The following MPPED1 variants were observed in gnomAD, a reference collection of about 807,000 sequenced individuals.
MPPED1 encodes the protein metallophosphoesterase domain-containing protein 1.
In MPPED1, 16 loss-of-function variants were observed where a neutral mutation model predicts 36.2. That is an observed-to-expected ratio of 0.44 (90% CI 0.30 to 0.67). The LOEUF is 0.67. MPPED1 is among the 30% of genes least tolerant of loss of function. MPPED1 has a pLI of 0.10. For missense variants in MPPED1, 307 were observed against 453.4 expected (o/e 0.68, Z 2.93); for synonymous variants, 199 against 191.3 (o/e 1.04, Z -0.33).
intron 5 of MPPED1, among the ~76,000 whole-genome samples, chr22:43,500,432 G>A (rs1326925371): frequency 6.0e-5 from 9 of 149,728 alleles, no homozygotes; most frequent in African/African-American, 2.2e-4. Flanking sequence ...TAATGGAGGT[G>A]GTGGTGGAGG....
chr22:43,456,840 G>C (rs968293280), intron 3 of MPPED1, among the ~76,000 whole-genome samples: 12 of 152,252 alleles, frequency 7.9e-5, no homozygotes, highest in African/African-American at 2.6e-4. Context: ...GTTTTATTTT[G>C]TCAAATGCTT....
At chr22:43,484,129 TTTCTG>T (rs1931836807) in intron 4 of MPPED1, among the ~76,000 whole-genome samples, 1 of 152,260 alleles carries the variant, frequency 6.6e-6, no homozygotes, top group African/African-American at 2.4e-5. Flanking sequence ...TTGCCTTGTA[TTTCTG>T]GATGATTCCA....
chr22:43,494,198 A>G (rs1932185922), intron 4 of MPPED1, among the ~76,000 whole-genome samples: 1 of 151,896 alleles, frequency 6.6e-6, no homozygotes, highest in Admixed American at 6.6e-5. Context: ...ATCATGCCCG[A>G]CTAATTTTTT....
In MPPED1 at chr22:43,474,364, G is replaced by A. The variant is rs1931474762; in HGVS notation, c.407-372G>A. 6.6e-6 allele frequency among the ~76,000 whole-genome samples: 1 copy of A among 152,260 alleles called. No homozygotes were observed. ...CTCAGGGGGCCGATGGCCAGTGGAG[G>A]CCTGGACAGGCAGGACTGTGGGGAC... On this transcript the variant is annotated intron_variant, in intron 3 of 6. Coordinates refer to ENST00000443721, the MANE Select transcript of MPPED1 (RefSeq NM_001044370.2). The surrounding 1 kb of genome is among the most constrained non-coding windows in gnomAD (Gnocchi z 5.2).
intron 4 of MPPED1, among the ~76,000 whole-genome samples, chr22:43,481,598 C>T (rs531645227): frequency 1.3e-5 from 2 of 152,282 alleles, no homozygotes; most frequent in Admixed American, 6.5e-5. Context: ...AAATCCAGGC[C>T]AGGTTTATTC....
chr22:43,441,148 C>G (rs1282692327), intron 3 of MPPED1, among the ~76,000 whole-genome samples: 3 of 152,192 alleles, frequency 2.0e-5, no homozygotes, highest in African/African-American at 7.2e-5. Context: ...GGGTTTTAGA[C>G]TAGTTCTGTC....
intron 2 of MPPED1, among the ~76,000 whole-genome samples, chr22:43,432,361 GAA>G (rs1203399600): frequency 5.5e-5 from 7 of 126,250 alleles, no homozygotes; most frequent in East Asian, 2.5e-4. Context: ...AGGAGAGAGA[GAA>G]AGGGAGAGAG....
At chr22:43,433,513 A>G (rs1929840388) in intron 2 of MPPED1, among the ~76,000 whole-genome samples, 1 of 151,232 alleles carries the variant, frequency 6.6e-6, no homozygotes, top group Admixed American at 6.6e-5. Flanking sequence ...GTTGGTCATC[A>G]TCGGATTCAT....
intron 2 of MPPED1, among the ~76,000 whole-genome samples, chr22:43,434,327 A>G (rs1929873642): frequency 6.6e-6 from 1 of 152,208 alleles, no homozygotes; most frequent in Non-Finnish European, 1.5e-5. Flanking sequence ...GTTTTGAGAA[A>G]TGGACTCCTT....
At chr22:43,454,591 G>A (rs184527189) in intron 3 of MPPED1, among the ~76,000 whole-genome samples, 76 of 151,020 alleles carry the variant, frequency 5.0e-4, no homozygotes, top group African/African-American at 1.6e-3. Context: ...AAGGAACACC[G>A]GTACTATTAA....
intron 4 of MPPED1, among the ~76,000 whole-genome samples, chr22:43,480,098 AAGC>A (rs1229315777): frequency 2.6e-5 from 4 of 152,166 alleles, no homozygotes; most frequent in African/African-American, 7.2e-5. Context: ...TCCTGGGCTC[AAGC>A]AGTCCTCAGT....
At chr22:43,476,829 G>T (rs1016027633) in intron 4 of MPPED1, among the ~76,000 whole-genome samples, 2 of 152,120 alleles carry the variant, frequency 1.3e-5, no homozygotes, top group Non-Finnish European at 2.9e-5. Context: ...GGAGAGGAGG[G>T]GAGGTGGCTG....
At chr22:43,494,719 G>GTGGTGGTGGTGGTGGTGGTGGTGA in intron 4 of MPPED1, among the ~76,000 whole-genome samples, 1 of 151,854 alleles carries the variant, frequency 6.6e-6, no homozygotes, top group Non-Finnish European at 1.5e-5. Flanking sequence ...GGTGGTGGTG[G>GTGGTGGTGGTGGTGGTGGTGGTGA]TGGTGATGGT....
Position 43,435,014 on chromosome 22 carries a change from A to C in MPPED1, c.225-20A>C, listed in dbSNP as rs755383951. The C allele has an allele frequency of 4.3e-6, 7 of 1,609,724 alleles. No homozygotes were observed. The South Asian group carries it at 6.6e-5, about 15-fold the overall frequency. On this transcript the variant is annotated intron_variant, in intron 2 of 6. Coordinates refer to ENST00000443721, the MANE Select transcript of MPPED1 (RefSeq NM_001044370.2). Reference sequence around the variant, plus strand: ...GCGGCTCCATGGCCTCCTGATCCGCAGTGTCATCTCTCCCTGCAGGGTGGA... The same window carrying C: ...GCGGCTCCATGGCCTCCTGATCCGCCGTGTCATCTCTCCCTGCAGGGTGGA...
chr22:43,412,567 T>TG (rs1928939678), intron 1 of MPPED1, among the ~76,000 whole-genome samples: 1 of 152,036 alleles, frequency 6.6e-6, no homozygotes, highest in African/African-American at 2.4e-5. Context: ...TGCTGGCACT[T>TG]GGGGGGGAAG....
chr22:43,413,853 G>C (rs181921738), intron 1 of MPPED1, among the ~76,000 whole-genome samples: 144 of 152,302 alleles, frequency 9.5e-4, no homozygotes, highest in African/African-American at 3.3e-3. Context: ...TCGTGTGTTC[G>C]GAAGTGTTTC....
At chr22:43,443,487 G>C (rs528220688) in intron 3 of MPPED1, among the ~76,000 whole-genome samples, 3 of 152,246 alleles carry the variant, frequency 2.0e-5, no homozygotes, top group African/African-American at 7.2e-5. Context: ...GTAGAGGCTT[G>C]GCTCTGGTTT....
chr22:43,416,623 A>G (rs1280711589), intron 1 of MPPED1: 19 of 152,148 alleles, frequency 1.2e-4, no homozygotes, highest in Admixed American at 1.2e-3. Flanking sequence ...GTGTGTGGAT[A>G]TGTCTGTGTG....
At chr22:43,452,022 CTTTTTT>C (rs543788616) in intron 3 of MPPED1, among the ~76,000 whole-genome samples, 1 of 144,628 alleles carries the variant, frequency 6.9e-6, no homozygotes, top group South Asian at 2.2e-4. Flanking sequence ...TTTTTTCTTT[CTTTTTT>C]TTTTTTTGAA....
Sources: gnomAD v4.1 joint callset for allele counts (sites outside exome capture counted in the v4.1 genomes callset) on GRCh38, gnomAD v4.1.1 for gene constraint, Gnocchi (gnomAD v3.1) non-coding constraint, MANE v1.5 for transcripts, NCBI Gene and HGNC (gene_info 2026-07-23, HGNC 2026-07-21) for gene names.